ATOH8: variants seen among roughly 807,000 people sequenced by gnomAD.
The protein encoded by ATOH8 is atonal bHLH transcription factor 8.
A neutral mutation model predicts 21.2 loss-of-function variants in ATOH8; 9 were observed. The ratio of observed to expected loss-of-function variants is 0.42; its 90% confidence interval spans 0.26 to 0.74. ATOH8 has a LOEUF of 0.74. Among genes scored for constraint, ATOH8 ranks in the 30% least tolerant of loss-of-function variants. The pLI, the probability that ATOH8 is intolerant of heterozygous loss-of-function variation, is 0.24. For missense variants in ATOH8, 524 were observed against 470.9 expected, an observed-to-expected ratio of 1.11 and a Z score of -1.04; for synonymous variants, 253 against 224.0, an observed-to-expected ratio of 1.13 and a Z score of -1.16.
At chr2:85,771,994 C>T (rs1326221265) in intron 2 of ATOH8, among the ~76,000 whole-genome samples, 12 of 152,244 alleles carry the variant, frequency 7.9e-5, no homozygotes, top group Non-Finnish European at 1.6e-4. Context: ...GAGGCCAGCC[C>T]GCTGCCTGAA....
rs148670293 is a variant in ATOH8, at chr2:85,763,530, A to T, written c.769-461A>T. On this transcript the variant is annotated intron_variant, in intron 1 of 2. Coordinates refer to ENST00000306279, the MANE Select transcript of ATOH8 (RefSeq NM_032827.7). ...AGGTGTGACATTATAACCTCACTCG[A>T]GTGTAAGTTCTCTAAAGTAGGAATC... Among the ~76,000 whole-genome samples the T allele has an allele frequency of 3.0e-3, 459 of 152,216 alleles. 3 individuals are homozygous for T. Among genetic ancestry groups the T allele is most frequent in the African/African-American group, 0.011 (442 of 41,530 alleles).
chr2:85,770,052 A>G (rs2104516031), intron 2 of ATOH8, among the ~76,000 whole-genome samples: 1 of 152,156 alleles, frequency 6.6e-6, no homozygotes, highest in East Asian at 1.9e-4. Flanking sequence ...GCTCCTAGAG[A>G]CTGTTGGGAC....
At position 85,787,198 on chromosome 2, in the gene ATOH8, AG is replaced by A. The variant is rs1158142980; in HGVS notation, c.*309del. ...AGAAATTCGTTGCCAAAGATTGGACAGAGACACCGAAGGAAATGGGGTGGTG... is the reference window on the plus strand; with the variant it reads ...AGAAATTCGTTGCCAAAGATTGGACAAGACACCGAAGGAAATGGGGTGGTG... On this transcript the variant is annotated 3_prime_UTR_variant, in exon 3 of 3. Transcript: ENST00000306279. 12 of 409,346 alleles carry A rather than the reference AG, an allele frequency of 2.9e-5. No homozygotes were observed. In the East Asian group the frequency reaches 4.6e-4, roughly 16 times the overall value. 25.4% of individuals were successfully genotyped at this position (409,346 alleles called of 1,614,324 possible). A position where few individuals can be genotyped will look rare whatever the true frequency, so the allele number is the denominator to read the frequency against.
At chr2:85,757,042 ACAGG>A (rs1181761159) in intron 1 of ATOH8, among the ~76,000 whole-genome samples, 1 of 152,248 alleles carries the variant, frequency 6.6e-6, no homozygotes, top group Non-Finnish European at 1.5e-5. Context: ...ATGCAAACAC[ACAGG>A]CAGGTACACA....
chr2:85,777,919 TA>T (rs1680372799), intron 2 of ATOH8, among the ~76,000 whole-genome samples: 1 of 152,202 alleles, frequency 6.6e-6, no homozygotes, highest in South Asian at 2.1e-4. Context: ...TCTGTGCCCA[TA>T]CAGAGGGAGG....
In ATOH8 at chr2:85,788,232, G is replaced by A. The variant is rs1426248869; in HGVS notation, c.*1342G>A. Among the ~76,000 whole-genome samples the A allele has an allele frequency of 1.3e-5, 2 of 151,946 alleles. No individual in the cohort carries two copies. Among genetic ancestry groups the A allele is most frequent in the Non-Finnish European group, 1.5e-5 (1 of 67,976 alleles). ...CTGTGTGTGGAAGGGGGTGGAGGGC[G>A]GTTCCCACAGTAGTCTCAGCCTGGA... is the stretch of plus-strand genomic sequence containing the variant. On this transcript the variant is annotated 3_prime_UTR_variant, in exon 3 of 3. Coordinates refer to ENST00000306279, the MANE Select transcript of ATOH8 (RefSeq NM_032827.7).
intron 1 of ATOH8, among the ~76,000 whole-genome samples, chr2:85,763,477 T>G (rs1362587099): frequency 6.6e-6 from 1 of 152,184 alleles, no homozygotes; most frequent in Non-Finnish European, 1.5e-5. Context: ...GCACTGACAC[T>G]TTCCTTCCTG....
In ATOH8 at chr2:85,766,968, C is replaced by G. The variant is rs1043601021; in HGVS notation, c.960+2786C>G. 6.6e-6 allele frequency among the ~76,000 whole-genome samples: 1 copy of G among 152,184 alleles called. No homozygotes were observed. Among genetic ancestry groups the G allele is most frequent in the African/African-American group, 2.4e-5 (1 of 41,454 alleles). ...CTGCCCCAGAGTGGACTCATGGGCC[C>G]TGACACCGAGGGGGCCTGAAGCCCC... is the stretch of plus-strand genomic sequence containing the variant. On this transcript the variant is annotated intron_variant, in intron 2 of 2. Coordinates refer to ENST00000306279, the MANE Select transcript of ATOH8 (RefSeq NM_032827.7). The surrounding 1 kb of genome is among the most constrained non-coding windows in gnomAD (Gnocchi z 4.0).
intron 2 of ATOH8, among the ~76,000 whole-genome samples, chr2:85,764,806 G>C (rs1035931249): frequency 1.3e-5 from 2 of 152,178 alleles, no homozygotes; most frequent in Non-Finnish European, 2.9e-5. Flanking sequence ...CAGGAGCCCT[G>C]TGCTAGGGGC....
Position 85,789,188 on chromosome 2 carries a change from C to T in ATOH8, c.*2298C>T, listed in dbSNP as rs1680701583. ...GCCTTACCACCCAGAAAGAGCCCAT[C>T]CTCCACCTCCCATCCCCCTCCTGCA... On this transcript the variant is annotated 3_prime_UTR_variant, in exon 3 of 3. Coordinates refer to ENST00000306279, the MANE Select transcript of ATOH8 (RefSeq NM_032827.7). Among the ~76,000 whole-genome samples, 1 of 152,166 alleles carries T rather than the reference C, an allele frequency of 6.6e-6. No homozygotes were observed. Among genetic ancestry groups the T allele is most frequent in the Non-Finnish European group, 1.5e-5 (1 of 68,036 alleles).
intron 2 of ATOH8, among the ~76,000 whole-genome samples, chr2:85,764,928 C>T (rs918544636): frequency 2.0e-5 from 3 of 152,100 alleles, no homozygotes; most frequent in African/African-American, 7.2e-5. Flanking sequence ...CACCAGGTCA[C>T]CAGGCAGATG....
At chr2:85,759,842 T>C (rs1285291794) in intron 1 of ATOH8, among the ~76,000 whole-genome samples, 2 of 151,370 alleles carry the variant, frequency 1.3e-5, no homozygotes, top group African/African-American at 4.9e-5. Context: ...TGGGCAGGAG[T>C]TGGCACAGAA....
chr2:85,754,303 C>G lies in ATOH8; in HGVS notation c.114C>G (p.Asn38Lys). ...GCAAGGAGCCGGCGCGGCGCGCGAACGGCTATAAAACTTTCCGACTGGACT... is the reference window on the plus strand; with the variant it reads ...GCAAGGAGCCGGCGCGGCGCGCGAAGGGCTATAAAACTTTCCGACTGGACT... Reference protein sequence around the residue: ...RKGKEPARRANGYKTFRLDLE... With the variant: ...RKGKEPARRAKGYKTFRLDLE... The change falls in exon 1 of 3, where the codon AAC becomes AAG. Residue 38 changes from asparagine (N) to lysine (K), a missense_variant. By Grantham distance (94) the Asn-to-Lys change is moderately conservative. Transcript: ENST00000306279. 1 of 1,609,988 alleles carries G rather than the reference C, an allele frequency of 6.2e-7. No individual in the cohort carries two copies. Among genetic ancestry groups the G allele is most frequent in the Non-Finnish European group, 8.5e-7 (1 of 1,178,862 alleles).
chr2:85,769,192 C>T (rs1179120591), intron 2 of ATOH8, among the ~76,000 whole-genome samples: 1 of 152,190 alleles, frequency 6.6e-6, no homozygotes, highest in African/African-American at 2.4e-5. Context: ...GATTTTAAGC[C>T]ATCAGGTAGT....
chr2:85,763,514 A>G (rs773861792), intron 1 of ATOH8, among the ~76,000 whole-genome samples: 3 of 152,196 alleles, frequency 2.0e-5, no homozygotes, highest in Non-Finnish European at 2.9e-5. Context: ...CAGGTGTGAC[A>G]TTATAACCTC....
At chr2:85,757,664 C>T (rs997379868) in intron 1 of ATOH8, among the ~76,000 whole-genome samples, 4 of 152,128 alleles carry the variant, frequency 2.6e-5, no homozygotes, top group African/African-American at 7.2e-5. Flanking sequence ...GTCACTGACC[C>T]TTTCTGGGCC....
At chr2:85,778,922 C>T (rs1680408742) in intron 2 of ATOH8, among the ~76,000 whole-genome samples, 1 of 152,212 alleles carries the variant, frequency 6.6e-6, no homozygotes, top group Non-Finnish European at 1.5e-5. Context: ...CACCAGTCTG[C>T]CCATTGGTCT....
chr2:85,790,616 C>T lies in ATOH8; in HGVS notation c.*3726C>T, dbSNP rs1680743040. Among the ~76,000 whole-genome samples, 1 of 152,242 alleles carries T rather than the reference C, an allele frequency of 6.6e-6. No homozygotes were observed. Among genetic ancestry groups the T allele is most frequent in the Non-Finnish European group, 1.5e-5 (1 of 68,040 alleles). On this transcript the variant is annotated 3_prime_UTR_variant, in exon 3 of 3. Transcript: ENST00000306279. ...TTTTTTCTGGATTTCTCCACCTCCA[C>T]CAAGTTCCCCTTTCTCACAGCTAGT...
At chr2:85,770,604 T>C (rs538934864) in intron 2 of ATOH8, among the ~76,000 whole-genome samples, 1 of 152,326 alleles carries the variant, frequency 6.6e-6, no homozygotes, top group South Asian at 2.1e-4. Flanking sequence ...CATTTGACAC[T>C]GTTAGGCCAC....
Sources: gnomAD v4.1 joint callset for allele counts (sites outside exome capture counted in the v4.1 genomes callset) on GRCh38, gnomAD v4.1.1 for gene constraint, Gnocchi (gnomAD v3.1) non-coding constraint, MANE v1.5 for transcripts, NCBI Gene and HGNC (gene_info 2026-07-23, HGNC 2026-07-21) for gene names.